The following HIVEP1 variants were observed in gnomAD, a reference collection of about 807,000 sequenced individuals.
HIVEP1 encodes the protein zinc finger protein 40.
A neutral mutation model predicts 180.0 loss-of-function variants in HIVEP1; 36 were observed. The ratio of observed to expected loss-of-function variants is 0.20; its 90% CI spans 0.15 to 0.26. The LOEUF (loss-of-function observed/expected upper bound fraction) is 0.26. Ranked by LOEUF, HIVEP1 falls within the 10% of genes least tolerant of loss-of-function variation. The probability of loss-of-function intolerance (pLI) is 1.00; values close to 1 mark genes in which losing one functional copy is unlikely to be tolerated. For synonymous variants in HIVEP1, 1,239 were observed against 1,239.0 expected, an observed-to-expected ratio of 1.00 and a Z score of 0.00; for missense variants, 3,143 against 3,268.7, an observed-to-expected ratio of 0.96 and a Z score of 0.94.
intron 2 of HIVEP1, among the ~76,000 whole-genome samples, chr6:12,049,767 T>G (rs759132130): frequency 7.9e-5 from 12 of 152,354 alleles, no homozygotes; most frequent in Middle Eastern, 3.4e-3. Context: ...CTTGAGTAGT[T>G]TTTATTAAAC....
intron 2 of HIVEP1, among the ~76,000 whole-genome samples, chr6:12,027,698 A>G (rs368718093): frequency 5.3e-5 from 8 of 152,192 alleles, no homozygotes; most frequent in Admixed American, 2.0e-4. Flanking sequence ...CCCTACAAGG[A>G]AGGTCTTCCC....
intron 2 of HIVEP1, among the ~76,000 whole-genome samples, chr6:12,046,292 A>G (rs1434648482): frequency 1.3e-5 from 2 of 152,232 alleles, no homozygotes; most frequent in Non-Finnish European, 2.9e-5. Context: ...ATAATGGCCA[A>G]CATTTATTGA....
intron 2 of HIVEP1, among the ~76,000 whole-genome samples, chr6:12,048,296 C>A (rs1302572882): frequency 6.6e-6 from 1 of 152,198 alleles, no homozygotes; most frequent in South Asian, 2.1e-4. Flanking sequence ...AGAGTGGACA[C>A]CTTCTTGCTC....
Position 12,164,178 on chromosome 6 carries a change from C to T in HIVEP1, c.7874C>T (p.Ala2625Val), listed in dbSNP as rs1199621645. The T allele has an allele frequency of 1.9e-6, 3 of 1,614,230 alleles. No individual in the cohort carries two copies. Among genetic ancestry groups the T allele is most frequent in the Non-Finnish European group, 2.5e-6 (3 of 1,180,048 alleles). ...CCACCTGCCCCTGCAGGTGACCATG[C>T]AAGGCTTGATGGCCTGAGTAAAATG... is the stretch of plus-strand genomic sequence containing the variant. ...LNPPAPAGDH[A>V]RLDGLSKMDT... Residue 2625 changes from alanine to valine, a missense_variant, in exon 9 of 9, where the codon GCA (alanine) becomes GTA (valine). Physicochemically the swap from Ala to Val is moderately conservative, Grantham distance 64. Around this residue, in one of 12 missense-constraint regions of HIVEP1, gnomAD observed 595 missense variants for 602.2 expected, o/e 0.99. Coordinates refer to ENST00000379388, the MANE Select transcript of HIVEP1 (RefSeq NM_002114.4).
At chr6:12,107,446 T>C (rs1473495560) in intron 3 of HIVEP1, among the ~76,000 whole-genome samples, 1 of 152,204 alleles carries the variant, frequency 6.6e-6, no homozygotes, top group Non-Finnish European at 1.5e-5. Flanking sequence ...TACTGGTGGC[T>C]AAAGGTTGGG....
At chr6:12,113,610 T>C (rs916926097) in intron 3 of HIVEP1, among the ~76,000 whole-genome samples, 1 of 152,194 alleles carries the variant, frequency 6.6e-6, no homozygotes, top group African/African-American at 2.4e-5. Flanking sequence ...GCTAAGTGAA[T>C]TCCAGTCTCT....
the HIVEP1 span, among the ~76,000 whole-genome samples, chr6:12,187,662 G>A: frequency 3.3e-4 from 50 of 150,430 alleles, 1 homozygote; most frequent in Middle Eastern, 6.8e-3. Context: ...GCATGATCCT[G>A]GCTCACTGCA....
chr6:12,100,341 T>C, intron 3 of HIVEP1, among the ~76,000 whole-genome samples: 1 of 152,194 alleles, frequency 6.6e-6, no homozygotes, highest in Non-Finnish European at 1.5e-5. Flanking sequence ...GTGGTAAAAA[T>C]ACTCCCCACC....
At chr6:12,208,261 G>T in the HIVEP1 span, among the ~76,000 whole-genome samples, 13 of 152,304 alleles carry the variant, frequency 8.5e-5, no homozygotes, top group East Asian at 2.3e-3. Context: ...CTCAGGAAAA[G>T]ATTGGTGATG....
intron 3 of HIVEP1, among the ~76,000 whole-genome samples, chr6:12,118,237 A>G (rs1665038474): frequency 6.6e-6 from 1 of 151,922 alleles, no homozygotes; most frequent in Non-Finnish European, 1.5e-5. Flanking sequence ...AACTGATGTC[A>G]CAATATTACT....
the HIVEP1 span, among the ~76,000 whole-genome samples, chr6:12,190,208 T>G: frequency 3.9e-5 from 6 of 152,202 alleles, no homozygotes; most frequent in African/African-American, 1.4e-4. Context: ...TTCACTCTAT[T>G]TATAAAACCT....
At chr6:12,146,435 C>T (rs922551213) in intron 7 of HIVEP1, among the ~76,000 whole-genome samples, 1 of 152,180 alleles carries the variant, frequency 6.6e-6, no homozygotes, top group Non-Finnish European at 1.5e-5. Context: ...AAGAGCTAAA[C>T]TCCATCTCAA....
downstream of HIVEP1, among the ~76,000 whole-genome samples, chr6:12,169,388 AT>A (rs1469791851): frequency 6.6e-6 from 1 of 152,202 alleles, no homozygotes; most frequent in African/African-American, 2.4e-5. Context: ...CATAAGAGAC[AT>A]TATCTGCTCC....
At chr6:12,112,645 C>G (rs960126048) in intron 3 of HIVEP1, among the ~76,000 whole-genome samples, 2 of 152,136 alleles carry the variant, frequency 1.3e-5, no homozygotes, top group Non-Finnish European at 2.9e-5. Context: ...AGCTTGCAGC[C>G]TCCTGCGCCA....
chr6:12,007,816 T>A (rs868329733), upstream of HIVEP1: 4 of 152,088 alleles, frequency 2.6e-5, no homozygotes, highest in South Asian at 2.1e-4. Flanking sequence ...CAGAAGCCTC[T>A]CAGCGATCAT....
chr6:12,084,918 G>A (rs966977454), intron 2 of HIVEP1, among the ~76,000 whole-genome samples: 1 of 152,064 alleles, frequency 6.6e-6, no homozygotes, highest in Middle Eastern at 3.2e-3. Flanking sequence ...TAGTTGACTC[G>A]AGTGCTTTCG....
chr6:12,141,487 C>T (rs1186095006), intron 7 of HIVEP1, among the ~76,000 whole-genome samples: 4 of 151,878 alleles, frequency 2.6e-5, no homozygotes, highest in African/African-American at 7.3e-5. Flanking sequence ...AACCAGCTAA[C>T]ATAGTGACGG....
the HIVEP1 span, among the ~76,000 whole-genome samples, chr6:12,197,535 A>G: frequency 6.9e-6 from 1 of 145,620 alleles, no homozygotes; most frequent in Non-Finnish European, 1.5e-5. Flanking sequence ...CCTGGACAAC[A>G]GAGTGAGAGA....
At chr6:12,184,010 TAGATAGATAGATAGAC>T in the HIVEP1 span, among the ~76,000 whole-genome samples, 426 of 141,592 alleles carry the variant, frequency 3.0e-3, 3 homozygotes, top group African/African-American at 0.011. Flanking sequence ...GATAGATAGA[TAGATAGATAGATAGAC>T]AGACAGACAG....
Sources: gnomAD v4.1 joint callset for allele counts (sites outside exome capture counted in the v4.1 genomes callset) on GRCh38, gnomAD v4.1.1 for gene constraint, gnomAD v4.1.1 regional missense constraint, MANE v1.5 for transcripts, NCBI Gene and HGNC (gene_info 2026-07-23, HGNC 2026-07-21) for gene names.